CDC42BPA: variants seen among roughly 807,000 people sequenced by gnomAD.
CDC42BPA encodes the protein CDC42 binding protein kinase alpha.
In CDC42BPA, 80 loss-of-function variants were observed where a neutral mutation model predicts 223.5. The observed-to-expected ratio is 0.36, with a 90% confidence interval of 0.30 to 0.43. The LOEUF (loss-of-function observed/expected upper bound fraction) is 0.43, where lower values mean the gene tolerates loss of function less well. Among genes scored for constraint, CDC42BPA ranks in the 20% least tolerant of loss-of-function variants. The probability of loss-of-function intolerance (pLI) is 1.00; values close to 1 mark genes in which losing one functional copy is unlikely to be tolerated. For synonymous variants in CDC42BPA, 694 were observed against 718.6 expected, an observed-to-expected ratio of 0.97 and a Z score of 0.55; for missense variants, 1,743 against 2,099.9, an observed-to-expected ratio of 0.83 and a Z score of 3.32.
chr1:227,089,436 T>C (rs1361646372), intron 16 of CDC42BPA, among the ~76,000 whole-genome samples: 2 of 152,092 alleles, frequency 1.3e-5, no homozygotes, highest in African/African-American at 2.4e-5. Context: ...GATGCAAAAA[T>C]TGAACAAAAG....
intron 1 of CDC42BPA, among the ~76,000 whole-genome samples, chr1:227,294,170 G>T (rs1690194760): frequency 6.6e-6 from 1 of 151,494 alleles, no homozygotes; most frequent in Non-Finnish European, 1.5e-5. Flanking sequence ...TACTCGGGAG[G>T]CTGAGGCGGG....
At chr1:227,117,210 G>A (rs1687901994) in intron 12 of CDC42BPA, among the ~76,000 whole-genome samples, 1 of 152,070 alleles carries the variant, frequency 6.6e-6, no homozygotes, top group Non-Finnish European at 1.5e-5. Context: ...GTTCTATTCT[G>A]GAAATCTGTG....
intron 14 of CDC42BPA, among the ~76,000 whole-genome samples, chr1:227,109,887 T>C (rs1227337736): frequency 1.3e-5 from 2 of 151,858 alleles, no homozygotes; most frequent in African/African-American, 2.4e-5. Flanking sequence ...CTGTGGCTGA[T>C]CAAAACGTCA....
At chr1:227,249,896 G>A (rs754285505) in intron 2 of CDC42BPA, among the ~76,000 whole-genome samples, 16 of 119,452 alleles carry the variant, frequency 1.3e-4, no homozygotes, top group Non-Finnish European at 3.2e-4. Context: ...TAGCACAAGA[G>A]GGGGACTGTA....
intron 6 of CDC42BPA, among the ~76,000 whole-genome samples, chr1:227,157,466 A>G (rs1038245960): frequency 4.6e-5 from 7 of 152,010 alleles, no homozygotes; most frequent in Admixed American, 2.0e-4. Context: ...AGTCCTTACC[A>G]TTTCTCCTCT....
intron 2 of CDC42BPA, among the ~76,000 whole-genome samples, chr1:227,218,470 T>C (rs1322746975): frequency 6.6e-6 from 1 of 152,228 alleles, no homozygotes; most frequent in African/African-American, 2.4e-5. Context: ...GCTAAGCATA[T>C]TACATATATT....
At chr1:227,249,853 A>G (rs1681659309) in intron 2 of CDC42BPA, among the ~76,000 whole-genome samples, 1 of 152,160 alleles carries the variant, frequency 6.6e-6, no homozygotes. Context: ...AATGAGTACA[A>G]AAAAAACAGA....
chr1:227,249,649 C>A (rs915190566), intron 2 of CDC42BPA, among the ~76,000 whole-genome samples: 5 of 152,130 alleles, frequency 3.3e-5, no homozygotes, highest in Admixed American at 3.3e-4. Context: ...TTTGAATAGA[C>A]CTTTCTATAA....
intron 24 of CDC42BPA, among the ~76,000 whole-genome samples, chr1:227,036,323 G>C (rs1437590348): frequency 6.6e-6 from 1 of 151,106 alleles, no homozygotes; most frequent in Non-Finnish European, 1.5e-5. Context: ...AGAAGGTCTT[G>C]CTATGTTGCC....
chr1:227,256,051 G>A (rs1682980335), intron 1 of CDC42BPA, among the ~76,000 whole-genome samples: 1 of 152,044 alleles, frequency 6.6e-6, no homozygotes, highest in South Asian at 2.1e-4. Flanking sequence ...AATATACAAA[G>A]AACTCCTACA....
chr1:227,294,993 T>TA (rs1171886146), intron 1 of CDC42BPA, among the ~76,000 whole-genome samples: 10 of 150,186 alleles, frequency 6.7e-5, no homozygotes, highest in South Asian at 4.2e-4. Context: ...AGTATGTATA[T>TA]AAAAAATATT....
chr1:227,066,178 C>T (rs1677025459), intron 21 of CDC42BPA, among the ~76,000 whole-genome samples: 1 of 152,100 alleles, frequency 6.6e-6, no homozygotes, highest in Non-Finnish European at 1.5e-5. Flanking sequence ...ATCATGAGGT[C>T]AGGAGTTCAA....
chr1:227,299,918 G>A (rs574329375), intron 1 of CDC42BPA, among the ~76,000 whole-genome samples: 10 of 152,234 alleles, frequency 6.6e-5, no homozygotes, highest in African/African-American at 2.2e-4. Context: ...AAATAAAGAC[G>A]TCATTCTCGT....
Position 227,016,104 on chromosome 1 carries a change from T to C in CDC42BPA, c.4833A>G (p.Ile1611Met), listed in dbSNP as rs375660195. 4 of 1,591,948 alleles carry C rather than the reference T, an allele frequency of 2.5e-6. No homozygotes were observed. Among genetic ancestry groups the C allele is most frequent in the Non-Finnish European group, 2.6e-6 (3 of 1,160,030 alleles). ...HIAHMGPGDG[I>M]QILKDLPMNP... Reference sequence around the variant, plus strand: ...CCATGGGCAGATCTTTCAGGATCTGTATTCCATCTCCAGGACCCATGTGTG... The same window carrying C: ...CCATGGGCAGATCTTTCAGGATCTGCATTCCATCTCCAGGACCCATGTGTG... The change falls in exon 34 of 37, where the codon ATA becomes ATG. Residue 1611 changes from isoleucine (I) to methionine (M), a missense_variant. Ile to Met is a conservative substitution (Grantham distance 10). Around this residue, in one of 6 missense-constraint regions of CDC42BPA, gnomAD observed 200 missense variants for 192.8 expected, o/e 1.04. Coordinates refer to ENST00000366766, the MANE Select transcript of CDC42BPA (RefSeq NM_001394014.1).
chr1:227,009,467 G>A (rs1179075240), intron 34 of CDC42BPA, among the ~76,000 whole-genome samples: 1 of 152,144 alleles, frequency 6.6e-6, no homozygotes, highest in Admixed American at 6.5e-5. Flanking sequence ...GGAGTGCAGT[G>A]GTGCAATCAC....
At chr1:227,287,520 G>C (rs746394293) in intron 1 of CDC42BPA, among the ~76,000 whole-genome samples, 1 of 152,130 alleles carries the variant, frequency 6.6e-6, no homozygotes, top group Non-Finnish European at 1.5e-5. Flanking sequence ...CACAAGTAAA[G>C]TTTTAACAAA....
chr1:227,133,826 C>A (rs537325902), intron 10 of CDC42BPA, among the ~76,000 whole-genome samples: 6 of 151,958 alleles, frequency 3.9e-5, no homozygotes, highest in African/African-American at 1.5e-4. Context: ...ACAAACACTG[C>A]GGAAGGCCGC....
rs76236428 is a variant in CDC42BPA at position 226,993,902 on chromosome 1, T to A, written c.*366A>T. Reference sequence around the variant, plus strand: ...AAGCCCATGAGCTATTTTAGGACTATAATGAGACTCTACTGTGAAAGCAAA... The same window carrying A: ...AAGCCCATGAGCTATTTTAGGACTAAAATGAGACTCTACTGTGAAAGCAAA... On this transcript the variant is annotated 3_prime_UTR_variant, in exon 37 of 37. Transcript: ENST00000366766. 3.4e-4 allele frequency: 59 copies of A among 174,904 alleles called. No homozygotes were observed. The highest frequency in any genetic ancestry group is 6.8e-4 in the Non-Finnish European group (55 of 80,726). The allele number at this position is 174,904 out of a possible 1,614,324, so 10.8% of individuals were successfully genotyped here.
At chr1:227,127,790 A>C (rs1656146688) in intron 11 of CDC42BPA, among the ~76,000 whole-genome samples, 1 of 152,186 alleles carries the variant, frequency 6.6e-6, no homozygotes, top group Non-Finnish European at 1.5e-5. Flanking sequence ...CAAAACTAAG[A>C]TCTCCATATA....
Sources: gnomAD v4.1 joint callset for allele counts (sites outside exome capture counted in the v4.1 genomes callset) on GRCh38, gnomAD v4.1.1 for gene constraint, gnomAD v4.1.1 regional missense constraint, MANE v1.5 for transcripts, NCBI Gene and HGNC (gene_info 2026-07-23, HGNC 2026-07-21) for gene names.